FZD2: variants seen among roughly 807,000 people sequenced by gnomAD.
FZD2 encodes frizzled class receptor 2.
Under a neutral mutation model 36.7 loss-of-function variants are expected in FZD2, and 17 were observed. The observed-to-expected ratio is 0.46, with a 90% CI of 0.32 to 0.70. The LOEUF (loss-of-function observed/expected upper bound fraction) is 0.70. FZD2 is among the 30% of genes least tolerant of loss of function. The pLI is 0.04. For synonymous variants in FZD2, 333 were observed against 359.6 expected (o/e 0.93, Z 0.84); for missense variants, 525 against 805.6 (o/e 0.65, Z 4.22).
At position 44,558,859 on chromosome 17, in the gene FZD2, G is replaced by A. The variant is rs1299976629; in HGVS notation, c.1171G>A (p.Gly391Ser). Residue 391 changes from glycine to serine, a missense_variant, in exon 1 of 1, where the codon GGC becomes AGC. This residue lies in a region of FZD2 where 189 missense variants were observed against 298.1 expected (regional missense o/e 0.63). Transcript: ENST00000315323. The surrounding 1 kb of genome is among the most constrained non-coding windows in gnomAD (Gnocchi z 9.3). ...AVKTITILAM[G>S]QIDGDLLSGV... ...CAAGACCATCACCATCCTGGCCATG[G>A]GCCAGATCGACGGCGACCTGCTGAG... is the stretch of plus-strand genomic sequence containing the variant. 1 of 1,613,506 alleles carries A rather than the reference G, an allele frequency of 6.2e-7. No homozygotes were observed.
In FZD2 at chr17:44,559,077, C is replaced by T. The variant is rs1371631320; in HGVS notation, c.1389C>T (p.Gly463=). The T allele has an allele frequency of 5.6e-6, 9 of 1,609,222 alleles. No homozygotes were observed. The highest frequency in any genetic ancestry group is 7.6e-6 in the Non-Finnish European group (9 of 1,177,822). The change falls in exon 1 of 1, where the codon GGC becomes GGT. Residue 463 remains glycine (G), a synonymous_variant. Coordinates refer to ENST00000315323, the MANE Select transcript of FZD2 (RefSeq NM_001466.4). This position sits in a 1 kb window ranked among gnomAD's most constrained non-coding sequence, Gnocchi z 4.4. ...TGGAGCGGCTCATGGTGCGCATCGG[C>T]GTCTTCTCCGTGCTCTACACAGTGC... ...EKLERLMVRI[G]VFSVLYTVPA...
chr17:44,558,778 GC>G lies in FZD2; in HGVS notation c.1092del (p.Ile365SerfsTer34). On this transcript the variant is annotated frameshift_variant, in exon 1 of 1. Transcript: ENST00000315323. LOFTEE classifies it high-confidence loss of function. The surrounding 1 kb of genome is among the most constrained non-coding windows in gnomAD (Gnocchi z 9.3). ...LAAGMKWGHE[A>X]IEANSQYFHL... ...AGCCGGCATGAAGTGGGGCCACGAG[GC>G]CATCGAGGCCAACTCTCAGTACTTC... is the stretch of plus-strand genomic sequence containing the variant. The G allele has an allele frequency of 6.2e-7, 1 of 1,614,238 alleles. No individual in the cohort carries two copies. The highest frequency in any genetic ancestry group is 8.5e-7 in the Non-Finnish European group (1 of 1,180,034).
Position 44,558,930 on chromosome 17 carries a change from C to T in FZD2, c.1242C>T (p.Gly414=). 6.2e-7 allele frequency: 1 copy of T among 1,613,544 alleles called. No individual in the cohort carries two copies. The highest frequency in any genetic ancestry group is 1.1e-5 in the South Asian group (1 of 91,066). The change falls in exon 1 of 1, where the codon GGC becomes GGT. Residue 414 remains glycine (G), a synonymous_variant. Coordinates refer to ENST00000315323, the MANE Select transcript of FZD2 (RefSeq NM_001466.4). The surrounding 1 kb of genome is among the most constrained non-coding windows in gnomAD (Gnocchi z 9.3). Reference sequence around the variant, plus strand: ...TCAACAGCCTGGACCCGCTGCGGGGCTTCGTGCTAGCGCCGCTCTTCGTGT... The same window carrying T: ...TCAACAGCCTGGACCCGCTGCGGGGTTTCGTGCTAGCGCCGCTCTTCGTGT... ...VGLNSLDPLR[G]FVLAPLFVYL... is the part of the protein sequence containing the mutation.
chr17:44,559,643 AG>A lies in FZD2; in HGVS notation c.*259del. On this transcript the variant is annotated 3_prime_UTR_variant, in exon 1 of 1. Transcript: ENST00000315323. This position sits in a 1 kb window ranked among gnomAD's most constrained non-coding sequence, Gnocchi z 4.4. ...AAAAAAAAACAGGGGTGTGGGCGCC[AG>A]GACTGAAGAATGAGGTGTGTGTGTG... 1 of 235,982 alleles carries A rather than the reference AG, an allele frequency of 4.2e-6. No individual in the cohort carries two copies. The highest frequency in any genetic ancestry group is 7.7e-6 in the Non-Finnish European group (1 of 129,594). The allele number at this position is 235,982 out of a possible 1,614,324, so 14.6% of individuals were successfully genotyped here. A position where few individuals can be genotyped will look rare whatever the true frequency, so the allele number is the denominator to read the frequency against.
rs1227055107 is a variant in FZD2, at chr17:44,558,867, C to A, written c.1179C>A (p.Ile393=). ...KTITILAMGQ[I]DGDLLSGVCF... is the part of the protein sequence containing the mutation. ...TCACCATCCTGGCCATGGGCCAGATCGACGGCGACCTGCTGAGCGGCGTGT... is the reference window on the plus strand; with the variant it reads ...TCACCATCCTGGCCATGGGCCAGATAGACGGCGACCTGCTGAGCGGCGTGT... Residue 393 remains isoleucine, a synonymous_variant, in exon 1 of 1, where the codon ATC becomes ATA. Coordinates refer to ENST00000315323, the MANE Select transcript of FZD2 (RefSeq NM_001466.4). The surrounding 1 kb of genome is among the most constrained non-coding windows in gnomAD (Gnocchi z 9.3). The A allele has an allele frequency of 5.6e-6, 9 of 1,612,932 alleles. No homozygotes were observed. In the South Asian group the frequency reaches 9.9e-5, roughly 18 times the overall value.
rs748334299 is a variant in FZD2, at chr17:44,558,169, C to T, written c.481C>T (p.Pro161Ser). Residue 161 changes from proline (P) to serine (S), a missense_variant, in exon 1 of 1, where the codon CCC becomes TCC. Pro to Ser is a moderately conservative substitution (Grantham distance 74). Coordinates refer to ENST00000315323, the MANE Select transcript of FZD2 (RefSeq NM_001466.4). The surrounding 1 kb of genome is among the most constrained non-coding windows in gnomAD (Gnocchi z 9.3). ...VGQNHSEDGA[P>S]ALLTTAPPPG... ...CCAGAACCACTCCGAGGACGGAGCT[C>T]CCGCGCTACTCACCACCGCGCCGCC... 29 of 1,565,884 alleles carry T rather than the reference C, an allele frequency of 1.9e-5. No individual in the cohort carries two copies. The highest frequency in any genetic ancestry group is 2.4e-5 in the East Asian group (1 of 40,920).
chr17:44,557,871 G>C lies in FZD2; in HGVS notation c.183G>C (p.Leu61=). ...AYNQTIMPNL[L]GHTNQEDAGL... ...ACCAGACCATCATGCCCAACCTTCTGGGCCACACGAACCAGGAGGACGCAG... is the reference window on the plus strand; with the variant it reads ...ACCAGACCATCATGCCCAACCTTCTCGGCCACACGAACCAGGAGGACGCAG... Residue 61 remains leucine, a synonymous_variant, in exon 1 of 1, where the codon CTG becomes CTC. Coordinates refer to ENST00000315323, the MANE Select transcript of FZD2 (RefSeq NM_001466.4). This position sits in a 1 kb window ranked among gnomAD's most constrained non-coding sequence, Gnocchi z 4.9. The C allele has an allele frequency of 1.2e-6, 2 of 1,614,156 alleles. No individual in the cohort carries two copies. Among genetic ancestry groups the C allele is most frequent in the Non-Finnish European group, 1.7e-6 (2 of 1,180,012 alleles).
rs1970851927 is a variant in FZD2, at chr17:44,558,388, A to G, written c.700A>G (p.Met234Val). Residue 234 changes from methionine (M) to valine (V), a missense_variant, in exon 1 of 1, where the codon ATG (methionine) becomes GTG (valine). By Grantham distance (21) the Met-to-Val change is conservative (BLOSUM62 1). Around this residue, in one of 5 missense-constraint regions of FZD2, gnomAD observed 257 missense variants for 344.4 expected, o/e 0.75. Coordinates refer to ENST00000315323, the MANE Select transcript of FZD2 (RefSeq NM_001466.4). This position sits in a 1 kb window ranked among gnomAD's most constrained non-coding sequence, Gnocchi z 9.3. ...PCEPARPDGS[M>V]FFSQEETRFA... The stretch of plus-strand genomic sequence containing the variant: ...CGAACCTGCGCGGCCCGATGGTTCC[A>G]TGTTCTTCTCACAGGAGGAGACGCG... 6.4e-7 allele frequency: 1 copy of G among 1,553,158 alleles called. No homozygotes were observed. The highest frequency in any genetic ancestry group is 8.7e-7 in the Non-Finnish European group (1 of 1,155,024).
At position 44,557,658 on chromosome 17, in the gene FZD2, C is replaced by T. The variant is rs929455395; in HGVS notation, c.-31C>T. ...GTTGGGGGCGGGGGCGGGGGGGGCG[C>T]CAAGGAGCCGGGTGGGGGGCGGCGG... On this transcript the variant is annotated 5_prime_UTR_variant, in exon 1 of 1. Transcript: ENST00000315323. The surrounding 1 kb of genome is among the most constrained non-coding windows in gnomAD (Gnocchi z 4.9). 4.8e-5 allele frequency: 58 copies of T among 1,202,500 alleles called. No homozygotes were observed. The highest frequency in any genetic ancestry group is 5.8e-5 in the Non-Finnish European group (56 of 961,646). 74.5% of individuals were successfully genotyped at this position (1,202,500 alleles called of 1,614,324 possible).
chr17:44,559,412 C>T lies in FZD2; in HGVS notation c.*26C>T, dbSNP rs1201816326. ...GGGACGCCCCCAGGCCGGAACCGCG[C>T]GGCGCTTTCCTCCGCCCGGGGTGGG... On this transcript the variant is annotated 3_prime_UTR_variant, in exon 1 of 1. Transcript: ENST00000315323. This position sits in a 1 kb window ranked among gnomAD's most constrained non-coding sequence, Gnocchi z 4.4. 3 of 1,542,404 alleles carry T rather than the reference C, an allele frequency of 1.9e-6. No homozygotes were observed. The highest frequency in any genetic ancestry group is 2.3e-5 in the East Asian group (1 of 43,872).
Position 44,558,223 on chromosome 17 carries a change from AC to A in FZD2, c.539del (p.Pro180ArgfsTer89). On this transcript the variant is annotated frameshift_variant, in exon 1 of 1. Transcript: ENST00000315323. LOFTEE classifies it high-confidence loss of function. The surrounding 1 kb of genome is among the most constrained non-coding windows in gnomAD (Gnocchi z 9.3). ...PPGLQPGAGG[T>X]PGGPGGGGAP... ...GGGACTGCAGCCGGGTGCCGGGGGCACCCCGGGTGGCCCGGGCGGCGGCGGC... is the reference window on the plus strand; with the variant it reads ...GGGACTGCAGCCGGGTGCCGGGGGCACCCGGGTGGCCCGGGCGGCGGCGGC... 7.2e-7 allele frequency: 1 copy of A among 1,391,522 alleles called. No homozygotes were observed. The highest frequency in any genetic ancestry group is 9.3e-7 in the Non-Finnish European group (1 of 1,076,834). 86.2% of individuals were successfully genotyped at this position (1,391,522 alleles called of 1,614,324 possible). A position where few individuals can be genotyped will look rare whatever the true frequency, so the allele number is the denominator to read the frequency against.
rs144916759 is a variant in FZD2, at chr17:44,558,124, G to A, written c.436G>A (p.Ala146Thr). Reference protein sequence around the residue: ...LRCEHFPRHGAEQICVGQNHS... With the variant: ...LRCEHFPRHGTEQICVGQNHS... ...CTGCGAGCACTTCCCGCGCCACGGC[G>A]CCGAGCAGATCTGCGTCGGCCAGAA... The change falls in exon 1 of 1, where the codon GCC (alanine) becomes ACC (threonine). Residue 146 changes from alanine to threonine, a missense_variant. Ala to Thr is a moderately conservative substitution (Grantham distance 58). Transcript: ENST00000315323. The surrounding 1 kb of genome is among the most constrained non-coding windows in gnomAD (Gnocchi z 9.3). The A allele has an allele frequency of 6.8e-6, 11 of 1,606,686 alleles. No homozygotes were observed. The highest frequency in any genetic ancestry group is 1.7e-5 in the Admixed American group (1 of 59,898).
In FZD2 at chr17:44,558,715, A is replaced by G. The variant is rs767549516; in HGVS notation, c.1027A>G (p.Ile343Val). 6.2e-7 allele frequency: 1 copy of G among 1,614,214 alleles called. No individual in the cohort carries two copies. Among genetic ancestry groups the G allele is most frequent in the East Asian group, 2.2e-5 (1 of 44,878 alleles). The change falls in exon 1 of 1, where the codon ATC becomes GTC. Residue 343 changes from isoleucine (I) to valine (V), a missense_variant. Physicochemically the swap from Ile to Val is conservative, Grantham distance 29 (BLOSUM62 3). This residue lies in a region of FZD2 where 6 missense variants were observed against 36.9 expected (regional missense o/e 0.16). Transcript: ENST00000315323. This position sits in a 1 kb window ranked among gnomAD's most constrained non-coding sequence, Gnocchi z 9.3. ...CTACTTCTTCAGCATGGCCAGCTCC[A>G]TCTGGTGGGTCATCCTGTCGCTCAC... ...MLYFFSMASS[I>V]WWVILSLTWF... is the part of the protein sequence containing the mutation.
rs1355758683 is a variant in FZD2, at chr17:44,559,154, A to G, written c.1466A>G (p.His489Arg). 1 of 1,613,824 alleles carries G rather than the reference A, an allele frequency of 6.2e-7. No homozygotes were observed. Among genetic ancestry groups the G allele is most frequent in the African/African-American group, 1.3e-5 (1 of 74,944 alleles). ...TTCTACGAGCAGGCCTTCCGCGAGC[A>G]CTGGGAGCGCTCGTGGGTGAGCCAG... Reference protein sequence around the residue: ...CYFYEQAFREHWERSWVSQHC... With the variant: ...CYFYEQAFRERWERSWVSQHC... Residue 489 changes from histidine (H) to arginine (R), a missense_variant, in exon 1 of 1, where the codon CAC becomes CGC. By Grantham distance (29) the His-to-Arg change is conservative (BLOSUM62 0). This residue lies in a region of FZD2 where 189 missense variants were observed against 298.1 expected (regional missense o/e 0.63). Transcript: ENST00000315323. This position sits in a 1 kb window ranked among gnomAD's most constrained non-coding sequence, Gnocchi z 4.4.
chr17:44,559,409 G>A lies in FZD2; in HGVS notation c.*23G>A. Reference sequence around the variant, plus strand: ...TGAGGGACGCCCCCAGGCCGGAACCGCGCGGCGCTTTCCTCCGCCCGGGGT... The same window carrying A: ...TGAGGGACGCCCCCAGGCCGGAACCACGCGGCGCTTTCCTCCGCCCGGGGT... On this transcript the variant is annotated 3_prime_UTR_variant, in exon 1 of 1. Coordinates refer to ENST00000315323, the MANE Select transcript of FZD2 (RefSeq NM_001466.4). This position sits in a 1 kb window ranked among gnomAD's most constrained non-coding sequence, Gnocchi z 4.4. The A allele has an allele frequency of 1.9e-6, 3 of 1,549,992 alleles. No homozygotes were observed. Among genetic ancestry groups the A allele is most frequent in the Non-Finnish European group, 1.7e-6 (2 of 1,149,546 alleles).
rs1279500417 is a variant in FZD2, at chr17:44,561,003, A to G, written c.*1617A>G. ...TGCTGGGATTACAGGAGTGAGCCAC[A>G]GTGCCTGGCCTGTCAAGACTTCTCT... is the stretch of plus-strand genomic sequence containing the variant. On this transcript the variant is annotated 3_prime_UTR_variant, in exon 1 of 1. Transcript: ENST00000315323. Among the ~76,000 whole-genome samples, 4 of 152,196 alleles carry G rather than the reference A, an allele frequency of 2.6e-5. No individual in the cohort carries two copies. Among genetic ancestry groups the G allele is most frequent in the Non-Finnish European group, 5.9e-5 (4 of 68,042 alleles).
Position 44,557,599 on chromosome 17 carries a change from C to A in FZD2, c.-90C>A. 1.2e-6 allele frequency: 1 copy of A among 808,724 alleles called. No homozygotes were observed. Among genetic ancestry groups the A allele is most frequent in the Non-Finnish European group, 1.6e-6 (1 of 606,066 alleles). The allele number at this position is 808,724 out of a possible 1,614,324, so 50.1% of individuals were successfully genotyped here. On this transcript the variant is annotated 5_prime_UTR_variant, in exon 1 of 1. Coordinates refer to ENST00000315323, the MANE Select transcript of FZD2 (RefSeq NM_001466.4). The surrounding 1 kb of genome is among the most constrained non-coding windows in gnomAD (Gnocchi z 4.9). ...GAGGCGCGGGAGGCGGCAGCCGCAG[C>A]GAGGAGGCGGCGGGGAAGAAGCGCA...
rs1291829912 is a variant in FZD2 at position 44,560,484 on chromosome 17, T to C, written c.*1098T>C. 9.9e-5 allele frequency among the ~76,000 whole-genome samples: 15 copies of C among 151,624 alleles called. No individual in the cohort carries two copies. The highest frequency in any genetic ancestry group is 3.9e-4 in the Admixed American group (6 of 15,192). The stretch of plus-strand genomic sequence containing the variant: ...GACGGGTGGGTTGGAGGGAGGGGAC[T>C]GATGGGCTGGTGGGCTTTTTAGTTT... On this transcript the variant is annotated 3_prime_UTR_variant, in exon 1 of 1. Transcript: ENST00000315323.
chr17:44,559,540 AC>A lies in FZD2; in HGVS notation c.*155del, dbSNP rs1970865207. The A allele has an allele frequency of 1.0e-6, 1 of 969,728 alleles. No homozygotes were observed. The highest frequency in any genetic ancestry group is 2.9e-5 in the East Asian group (1 of 34,378). 60.1% of individuals were successfully genotyped at this position (969,728 alleles called of 1,614,324 possible). A position where few individuals can be genotyped will look rare whatever the true frequency, so the allele number is the denominator to read the frequency against. On this transcript the variant is annotated 3_prime_UTR_variant, in exon 1 of 1. Transcript: ENST00000315323. This position sits in a 1 kb window ranked among gnomAD's most constrained non-coding sequence, Gnocchi z 4.4. ...AGAGAACTCTCTGCCCAACACCCCC[AC>A]AAGGTTTGTAATTAAAACTGTAAAT...
Sources: gnomAD v4.1 joint callset for allele counts (sites outside exome capture counted in the v4.1 genomes callset) on GRCh38, gnomAD v4.1.1 for gene constraint, gnomAD v4.1.1 regional missense constraint, Gnocchi (gnomAD v3.1) non-coding constraint, MANE v1.5 for transcripts, NCBI Gene and HGNC (gene_info 2026-07-23, HGNC 2026-07-21) for gene names.